Variants in POLR2F observed in about 807,000 individuals in gnomAD.
The protein encoded by POLR2F is DNA-directed RNA polymerases I, II, and III subunit RPABC2.
Under a neutral mutation model 22.7 loss-of-function variants are expected in POLR2F, and 12 were observed. The observed-to-expected ratio is 0.53, with a 90% CI of 0.34 to 0.86. The LOEUF (loss-of-function observed/expected upper bound fraction) is 0.86. Among genes scored for constraint, POLR2F ranks in the 40% least tolerant of loss-of-function variants. The pLI, the probability that POLR2F is intolerant of heterozygous loss-of-function variation, is 0.02. For missense variants in POLR2F, 126 were observed against 171.5 expected (o/e 0.73, Z 1.48); for synonymous variants, 57 against 66.0 (o/e 0.86, Z 0.66).
intron 1 of POLR2F, among the ~76,000 whole-genome samples, chr22:38,008,512 T>C (rs2084842743): frequency 6.7e-6 from 1 of 149,078 alleles, no homozygotes; most frequent in Non-Finnish European, 1.5e-5. Context: ...GCCACTGCAC[T>C]CCAGCCTAGG....
At position 38,031,785 on chromosome 22, in the gene POLR2F, C is replaced by G. The variant is rs1036935213; in HGVS notation, c.453-9283C>G. 2.0e-5 allele frequency among the ~76,000 whole-genome samples: 3 copies of G among 152,290 alleles called. No homozygotes were observed. Among genetic ancestry groups the G allele is most frequent in the Admixed American group, 2.0e-4 (3 of 15,294 alleles). On this transcript the variant is annotated intron_variant, in intron 5 of 5. Transcript: ENST00000407936. The surrounding 1 kb of genome is among the most constrained non-coding windows in gnomAD (Gnocchi z 4.1). Reference sequence around the variant, plus strand: ...CCAACCCCTCCCCGCTTCCCTGCCCCATCAACGGCCCCACTGTTCTCCAGT... The same window carrying G: ...CCAACCCCTCCCCGCTTCCCTGCCCGATCAACGGCCCCACTGTTCTCCAGT...
chr22:38,030,873 C>G (rs1314207114), downstream of POLR2F, among the ~76,000 whole-genome samples: 2 of 152,154 alleles, frequency 1.3e-5, no homozygotes, highest in African/African-American at 4.8e-5. Flanking sequence ...ACCCCACCCC[C>G]AGCTCAGTTG....
At chr22:38,009,453 C>A (rs1483826315) in intron 1 of POLR2F, among the ~76,000 whole-genome samples, 1 of 152,210 alleles carries the variant, frequency 6.6e-6, no homozygotes, top group Non-Finnish European at 1.5e-5. Flanking sequence ...GTGAGAAGTA[C>A]ACAGTTTCCT....
intron 1 of POLR2F, among the ~76,000 whole-genome samples, chr22:38,025,373 C>T (rs1312637169): frequency 1.3e-5 from 2 of 152,130 alleles, no homozygotes; most frequent in Non-Finnish European, 2.9e-5. Flanking sequence ...CACACACGCA[C>T]AGTCATACAC....
chr22:37,957,996 T>C (rs1259233044), intron 2 of POLR2F, among the ~76,000 whole-genome samples: 1 of 152,024 alleles, frequency 6.6e-6, no homozygotes, highest in Non-Finnish European at 1.5e-5. Flanking sequence ...GTTGTTGTTG[T>C]TTGTTTGCTT....
upstream of POLR2F, among the ~76,000 whole-genome samples, chr22:37,981,317 A>G (rs1322241942): frequency 1.3e-5 from 2 of 152,206 alleles, no homozygotes; most frequent in Non-Finnish European, 2.9e-5. Context: ...ACCCCCCTCC[A>G]GGGTCCAGGG....
At chr22:38,027,330 G>T (rs1461557862), downstream of POLR2F, among the ~76,000 whole-genome samples, 1 of 152,132 alleles carries the variant, frequency 6.6e-6, no homozygotes, top group African/African-American at 2.4e-5. Flanking sequence ...ACTGTGGGAG[G>T]GGTTGCATGG....
chr22:37,986,335 A>G lies in POLR2F; in HGVS notation c.120+23A>G. On this transcript the variant is annotated intron_variant, in intron 1 of 2. Coordinates refer to the POLR2F transcript ENST00000333418. This position sits in a 1 kb window ranked among gnomAD's most constrained non-coding sequence, Gnocchi z 4.7. The stretch of plus-strand genomic sequence containing the variant: ...CCGGTGGGTCCCCACTCATCCTTCC[A>G]CCCCTCAGTTCCTCCTCTTTGAGGA... 6.6e-7 allele frequency: 1 copy of G among 1,524,228 alleles called. No homozygotes were observed. The highest frequency in any genetic ancestry group is 8.8e-7 in the Non-Finnish European group (1 of 1,140,596). 94.4% of individuals were successfully genotyped at this position (1,524,228 alleles called of 1,614,324 possible).
rs1453039786 is a variant in POLR2F at position 38,017,698 on chromosome 22, G to C, written c.121-8171G>C. Among the ~76,000 whole-genome samples, 1 of 152,154 alleles carries C rather than the reference G, an allele frequency of 6.6e-6. No homozygotes were observed. The highest frequency in any genetic ancestry group is 2.4e-5 in the African/African-American group (1 of 41,418). On this transcript the variant is annotated intron_variant, in intron 1 of 2. Coordinates refer to the POLR2F transcript ENST00000333418. This position sits in a 1 kb window ranked among gnomAD's most constrained non-coding sequence, Gnocchi z 4.1. Reference sequence around the variant, plus strand: ...CCTGCAACTTCCTGTAGGTCTCTCTGTAGCACCAGCCAAGAAGTCACCCGC... The same window carrying C: ...CCTGCAACTTCCTGTAGGTCTCTCTCTAGCACCAGCCAAGAAGTCACCCGC...
At position 37,967,131 on chromosome 22, in the gene POLR2F, G is replaced by C. The variant is rs369696758; in HGVS notation, c.254G>C (p.Gly85Ala). The change falls in exon 4 of 5, where the codon GGG becomes GCG. Residue 85 changes from glycine to alanine, a missense_variant. Gly to Ala is a moderately conservative substitution (Grantham distance 60, BLOSUM62 0). Coordinates refer to ENST00000442738, the MANE Select transcript of POLR2F (RefSeq NM_021974.5). ...MCAPVMVELE[G>A]ETDPLLIAMK... ...GCCCCTGTGATGGTGGAGCTGGAGG[G>C]GGAGACAGATCCTCTGCTCATTGCC... is the stretch of plus-strand genomic sequence containing the variant. 1.9e-6 allele frequency: 3 copies of C among 1,613,410 alleles called. No individual in the cohort carries two copies. Among genetic ancestry groups the C allele is most frequent in the Non-Finnish European group, 2.5e-6 (3 of 1,179,658 alleles).
chr22:38,026,066 A>G, exon 2 of POLR2F: 1 of 535,390 alleles, frequency 1.9e-6, no homozygotes, highest in South Asian at 1.4e-5. Context: ...TGCTCTTCAG[A>G]GAAGGTTTTG....
intron 1 of POLR2F, among the ~76,000 whole-genome samples, chr22:37,994,159 G>A (rs1428891701): frequency 3.9e-5 from 6 of 152,106 alleles, no homozygotes; most frequent in African/African-American, 1.2e-4. Flanking sequence ...CCCTTTCTAG[G>A]GTGCAGAGTT....
intron 1 of POLR2F, among the ~76,000 whole-genome samples, chr22:37,989,578 C>T (rs912335040): frequency 1.3e-5 from 2 of 152,246 alleles, no homozygotes; most frequent in Admixed American, 6.5e-5. Context: ...CCCCAGGTGC[C>T]GGCTCAGCTG....
chr22:37,956,606 G>A (rs1339798655), intron 1 of POLR2F, among the ~76,000 whole-genome samples, 167 bp from the exon 2 acceptor site: 1 of 152,012 alleles, frequency 6.6e-6, no homozygotes, highest in African/African-American at 2.4e-5. Flanking sequence ...TAGTAGAGAT[G>A]GGGTTTTGCC....
intron 5 of POLR2F, among the ~76,000 whole-genome samples, chr22:38,036,144 T>G (rs1313182334): frequency 6.6e-6 from 1 of 151,478 alleles, no homozygotes; most frequent in Admixed American, 6.6e-5. Flanking sequence ...CCTGGCTAAG[T>G]TTTTGTATTT....
chr22:37,990,116 G>A (rs1222346216), intron 1 of POLR2F, among the ~76,000 whole-genome samples: 1 of 152,114 alleles, frequency 6.6e-6, no homozygotes, highest in South Asian at 2.1e-4. Context: ...TCCCTGAGCC[G>A]AGTTGCTGTC....
chr22:38,033,560 A>G (rs997088108), intron 5 of POLR2F, among the ~76,000 whole-genome samples: 6 of 152,250 alleles, frequency 3.9e-5, no homozygotes, highest in African/African-American at 1.2e-4. Flanking sequence ...TCGCCAAGGC[A>G]AGCCCTGCTG....
Position 37,986,280 on chromosome 22 carries a change from C to A in POLR2F, c.90C>A (p.Pro30=), listed in dbSNP as rs531988886. 1 of 1,538,684 alleles carries A rather than the reference C, an allele frequency of 6.5e-7. No individual in the cohort carries two copies. Among genetic ancestry groups the A allele is most frequent in the Non-Finnish European group, 8.7e-7 (1 of 1,146,886 alleles). The change falls in exon 1 of 3, where the codon CCC becomes CCA. Residue 30 remains proline, a synonymous_variant. Transcript: ENST00000333418. The surrounding 1 kb of genome is among the most constrained non-coding windows in gnomAD (Gnocchi z 4.7). ...CCTCCAACACCCGCTGCTGCCCGCC[C>A]GCTGCCTGCCTGCCTGGCATCTCTC...
chr22:37,978,450 G>A lies in POLR2F; in HGVS notation c.293+11280G>A, dbSNP rs1351853323. Among the ~76,000 whole-genome samples, 1 of 152,232 alleles carries A rather than the reference G, an allele frequency of 6.6e-6. No homozygotes were observed. The highest frequency in any genetic ancestry group is 1.5e-5 in the Non-Finnish European group (1 of 68,040). ...GTAGGAGTAGAGGTTTCAAGGGGCAGATGCCAGTTCAAGGAAAGGAAAAAC... is the reference window on the plus strand; with the variant it reads ...GTAGGAGTAGAGGTTTCAAGGGGCAAATGCCAGTTCAAGGAAAGGAAAAAC... On this transcript the variant is annotated intron_variant, in intron 4 of 4. Transcript: ENST00000405557. This position sits in a 1 kb window ranked among gnomAD's most constrained non-coding sequence, Gnocchi z 5.0.
Sources: allele counts gnomAD v4.1 joint callset (sites outside exome capture counted in the v4.1 genomes callset), GRCh38; gene constraint gnomAD v4.1.1; non-coding constraint Gnocchi (gnomAD v3.1); transcripts MANE v1.5; gene names NCBI Gene and HGNC (gene_info 2026-07-23, HGNC 2026-07-21).